The following SDK1 variants were observed in gnomAD, a reference collection of about 807,000 sequenced individuals.
SDK1 encodes sidekick cell adhesion molecule 1, also known as protein sidekick-1.
In SDK1, 157 loss-of-function variants were observed where a neutral mutation model predicts 245.5. The observed-to-expected ratio is 0.64, with a 90% CI of 0.56 to 0.73. SDK1 has a LOEUF of 0.73. Among genes scored for constraint, SDK1 ranks in the 30% least tolerant of loss-of-function variants. The probability of loss-of-function intolerance (pLI) is 0.00; values close to 1 mark genes in which losing one functional copy is unlikely to be tolerated. For synonymous variants in SDK1, 1,647 were observed against 1,278.5 expected, an observed-to-expected ratio of 1.29 and a Z score of -6.15; for missense variants, 3,583 against 3,002.3, an observed-to-expected ratio of 1.19 and a Z score of -4.52.
rs1268923555 is a variant in SDK1 at position 3,639,001 on chromosome 7, C to T, written c.459-3C>T. 2 of 1,582,570 alleles carry T rather than the reference C, an allele frequency of 1.3e-6. No individual in the cohort carries two copies. Among genetic ancestry groups the T allele is most frequent in the South Asian group, 1.1e-5 (1 of 88,088 alleles). Reference sequence around the variant, plus strand: ...ATTAACACTTCTTTTTGCTATTCAACAGGTACATTATTCCATCTTTGCAGA... The same window carrying T: ...ATTAACACTTCTTTTTGCTATTCAATAGGTACATTATTCCATCTTTGCAGA... On this transcript the variant is annotated splice_polypyrimidine_tract_variant and splice_region_variant and intron_variant, in intron 2 of 44. Transcript: ENST00000404826.
intron 4 of SDK1, among the ~76,000 whole-genome samples, chr7:3,649,237 G>C (rs903408450): frequency 1.3e-5 from 2 of 152,128 alleles, no homozygotes; most frequent in Non-Finnish European, 2.9e-5. Context: ...GTTGAATTGA[G>C]TGACTAAGGA....
chr7:4,167,247 G>A (rs766657304), intron 32 of SDK1, among the ~76,000 whole-genome samples: 19 of 151,980 alleles, frequency 1.3e-4, no homozygotes, highest in Admixed American at 7.2e-4. Flanking sequence ...AAAATTAGCC[G>A]GGCGTGGTGG....
intron 4 of SDK1, among the ~76,000 whole-genome samples, chr7:3,788,822 G>T (rs905800230): frequency 2.0e-5 from 3 of 152,308 alleles, no homozygotes; most frequent in East Asian, 3.9e-4. Flanking sequence ...ATTCGCCCTT[G>T]CCTCTCCCAG....
intron 35 of SDK1, among the ~76,000 whole-genome samples, chr7:4,193,252 G>A (rs1469060534): frequency 4.8e-5 from 6 of 124,638 alleles, no homozygotes; most frequent in Non-Finnish European, 1.6e-5. Context: ...ACAATATATT[G>A]TAATTAATTG....
chr7:3,834,809 C>T (rs551819985), intron 5 of SDK1, among the ~76,000 whole-genome samples: 1 of 152,166 alleles, frequency 6.6e-6, no homozygotes, highest in African/African-American at 2.4e-5. Context: ...TCAGTAAATA[C>T]TTGTCCAGTG....
chr7:4,227,130 C>A, intron 40 of SDK1: 1 of 271,656 alleles, frequency 3.7e-6, no homozygotes, highest in Non-Finnish European at 7.2e-6. Context: ...CGGGAGTTTT[C>A]AAGTGAGTAA....
chr7:4,139,291 G>A (rs867923174), intron 28 of SDK1, among the ~76,000 whole-genome samples: 1 of 151,508 alleles, frequency 6.6e-6, no homozygotes, highest in African/African-American at 2.4e-5. Flanking sequence ...GATTTCATGG[G>A]TTTTTTTTTC....
At chr7:3,789,637 C>T (rs1365517122) in intron 4 of SDK1, among the ~76,000 whole-genome samples, 4 of 152,164 alleles carry the variant, frequency 2.6e-5, no homozygotes, top group African/African-American at 9.7e-5. Context: ...TCTGATCAAA[C>T]ATGGAGCATT....
chr7:4,129,348 G>T (rs1440744104), intron 26 of SDK1, among the ~76,000 whole-genome samples: 1 of 71,640 alleles, frequency 1.4e-5, no homozygotes, highest in East Asian at 1.8e-3. Flanking sequence ...TGCCCTGGAG[G>T]ACAGCAGCTT....
chr7:4,104,191 C>T (rs1016743675), intron 22 of SDK1, among the ~76,000 whole-genome samples: 12 of 152,170 alleles, frequency 7.9e-5, no homozygotes, highest in African/African-American at 2.2e-4. Flanking sequence ...TCCAGAGTAG[C>T]TGGGACTACA....
At chr7:3,938,584 T>G (rs959308529) in intron 5 of SDK1, among the ~76,000 whole-genome samples, 4 of 149,450 alleles carry the variant, frequency 2.7e-5, no homozygotes, top group Non-Finnish European at 4.4e-5. Context: ...AGGCGGAGCT[T>G]GCAGTGAGCC....
At chr7:3,383,666 A>G (rs1472848116) in intron 1 of SDK1, among the ~76,000 whole-genome samples, 1 of 152,212 alleles carries the variant, frequency 6.6e-6, no homozygotes, top group Non-Finnish European at 1.5e-5. Flanking sequence ...GGCATGGACA[A>G]TTAATTACAC....
At chr7:3,661,586 G>A (rs975222348) in intron 4 of SDK1, among the ~76,000 whole-genome samples, 3 of 152,142 alleles carry the variant, frequency 2.0e-5, no homozygotes, top group Non-Finnish European at 4.4e-5. Flanking sequence ...TTTTTGAAAA[G>A]CATCTACTGA....
chr7:3,392,752 G>T (rs750233996), intron 1 of SDK1, among the ~76,000 whole-genome samples: 1 of 151,836 alleles, frequency 6.6e-6, no homozygotes, highest in African/African-American at 2.4e-5. Context: ...TTTTCATGAT[G>T]TTTTCAAGAT....
At chr7:3,843,117 T>C (rs1780198993) in intron 5 of SDK1, among the ~76,000 whole-genome samples, 1 of 152,176 alleles carries the variant, frequency 6.6e-6, no homozygotes. Context: ...CAGCTCTTTC[T>C]CGGGGCCCTG....
intron 4 of SDK1, among the ~76,000 whole-genome samples, chr7:3,742,867 G>C (rs1163069145): frequency 6.6e-6 from 1 of 152,116 alleles, no homozygotes; most frequent in Non-Finnish European, 1.5e-5. Context: ...GAAACCCACA[G>C]AGAAATATGT....
chr7:3,953,872 T>C lies in SDK1; in HGVS notation c.1150+1952T>C, dbSNP rs1485886221. 5.9e-5 allele frequency among the ~76,000 whole-genome samples: 9 copies of C among 152,316 alleles called. No individual in the cohort carries two copies. The East Asian group carries it at 1.5e-3, about 26-fold the overall frequency. ...TAAGAATTTGCTGTAGCAGGTAGGATTTTTGTGGTTGGCGCACACTGCAAA... is the reference window on the plus strand; with the variant it reads ...TAAGAATTTGCTGTAGCAGGTAGGACTTTTGTGGTTGGCGCACACTGCAAA... On this transcript the variant is annotated intron_variant, in intron 7 of 44. Coordinates refer to ENST00000404826, the MANE Select transcript of SDK1 (RefSeq NM_152744.4).
At chr7:4,048,289 G>A (rs1789166685) in intron 17 of SDK1, among the ~76,000 whole-genome samples, 1 of 152,294 alleles carries the variant, frequency 6.6e-6, no homozygotes, top group South Asian at 2.1e-4. Context: ...TGGAAGCCTT[G>A]ATGGTGCAGC....
chr7:4,095,899 C>G (rs1395189148), intron 22 of SDK1, among the ~76,000 whole-genome samples: 1 of 152,222 alleles, frequency 6.6e-6, no homozygotes, highest in Admixed American at 6.5e-5. Flanking sequence ...TCAGGGCTAG[C>G]TAGGTGCCTG....
Sources: gnomAD v4.1 joint callset for allele counts (sites outside exome capture counted in the v4.1 genomes callset) on GRCh38, gnomAD v4.1.1 for gene constraint, MANE v1.5 for transcripts, NCBI Gene and HGNC (gene_info 2026-07-23, HGNC 2026-07-21) for gene names.